Variants in NAV3 observed in about 807,000 individuals in gnomAD.
NAV3 encodes neuron navigator 3.
NAV3 carries 87 observed loss-of-function variants against 244.7 expected under a neutral mutation model. That is an observed-to-expected ratio of 0.36 (90% CI 0.30 to 0.42). The LOEUF (loss-of-function observed/expected upper bound fraction) is 0.42, where lower values mean the gene tolerates loss of function less well. Among genes scored for constraint, NAV3 ranks in the 20% least tolerant of loss-of-function variants. NAV3 has a pLI of 1.00. For synonymous variants in NAV3, 1,126 were observed against 1,042.2 expected (o/e 1.08, Z -1.55); for missense variants, 2,663 against 2,893.3 (o/e 0.92, Z 1.83).
intron 2 of NAV3, among the ~76,000 whole-genome samples, chr12:77,772,916 T>G (rs1476023064): frequency 6.6e-6 from 1 of 152,220 alleles, no homozygotes; most frequent in Non-Finnish European, 1.5e-5. Flanking sequence ...GTTGGCATTA[T>G]GACTTGTCAT....
chr12:78,045,168 C>T (rs1305984057), intron 9 of NAV3, among the ~76,000 whole-genome samples: 1 of 152,180 alleles, frequency 6.6e-6, no homozygotes, highest in Non-Finnish European at 1.5e-5. Context: ...AAGGCCTTTT[C>T]TGCATCTATT....
intron 8 of NAV3, among the ~76,000 whole-genome samples, chr12:78,014,783 C>T (rs1278355431): frequency 6.6e-6 from 1 of 152,024 alleles, no homozygotes; most frequent in Non-Finnish European, 1.5e-5. Context: ...AGCCTTTAAC[C>T]ATCATTCAGG....
At chr12:77,854,199 A>G (rs1202503689) in intron 1 of NAV3, among the ~76,000 whole-genome samples, 1 of 152,204 alleles carries the variant, frequency 6.6e-6, no homozygotes, top group Non-Finnish European at 1.5e-5. Flanking sequence ...AAAAATTAAT[A>G]GAAAGCAATA....
chr12:78,196,330 A>G (rs1959173856), intron 34 of NAV3, among the ~76,000 whole-genome samples: 1 of 151,976 alleles, frequency 6.6e-6, no homozygotes. Context: ...TCCTACTTTT[A>G]TTTCCAGCAG....
intron 12 of NAV3, among the ~76,000 whole-genome samples, chr12:78,104,860 G>A (rs1374544408): frequency 1.3e-5 from 2 of 151,934 alleles, no homozygotes; most frequent in Non-Finnish European, 2.9e-5. Flanking sequence ...TTTGAATCTG[G>A]CATCTTTAAC....
chr12:78,145,425 T>C (rs1310352087), intron 20 of NAV3, among the ~76,000 whole-genome samples: 1 of 152,228 alleles, frequency 6.6e-6, no homozygotes, highest in Admixed American at 6.5e-5. Context: ...TTTGTGTCAA[T>C]TAATCTAGAA....
At chr12:77,657,499 T>C (rs994389152) in intron 2 of NAV3, among the ~76,000 whole-genome samples, 50 of 152,138 alleles carry the variant, frequency 3.3e-4, no homozygotes, top group African/African-American at 1.1e-3. Context: ...CAGGACCAGA[T>C]GGATTCACAG....
chr12:78,006,585 T>A lies in NAV3; in HGVS notation c.1047T>A (p.Thr349=), dbSNP rs2136561121. 5 of 1,614,074 alleles carry A rather than the reference T, an allele frequency of 3.1e-6. No individual in the cohort carries two copies. The highest frequency in any genetic ancestry group is 4.2e-6 in the Non-Finnish European group (5 of 1,179,998). ...VKHSATSTML[T]VKQSSTATSP... is the part of the protein sequence containing the mutation. ...ACAGTGCCACCTCCACCATGTTGAC[T>A]GTAAAGCAGTCAAGTACAGCCACCT... Residue 349 remains threonine (T), a synonymous_variant, in exon 8 of 40, where the codon ACT becomes ACA. Transcript: ENST00000397909.
At chr12:77,961,901 CTTTAATA>C (rs1392600466) in intron 3 of NAV3, among the ~76,000 whole-genome samples, 1 of 151,530 alleles carries the variant, frequency 6.6e-6, no homozygotes, top group Non-Finnish European at 1.5e-5. Context: ...ATGATATATA[CTTTAATA>C]TTTAATTTAG....
At chr12:77,673,568 G>C (rs942012083) in intron 2 of NAV3, among the ~76,000 whole-genome samples, 1 of 151,832 alleles carries the variant, frequency 6.6e-6, no homozygotes, top group Non-Finnish European at 1.5e-5. Flanking sequence ...ATAATTTTTT[G>C]AACACTCCTC....
At chr12:77,828,119 G>T (rs1490126082), upstream of NAV3, among the ~76,000 whole-genome samples, 1 of 152,154 alleles carries the variant, frequency 6.6e-6, no homozygotes. Context: ...GACATTAAAA[G>T]GTGAGTAGGC....
At chr12:77,611,793 A>G (rs961516848) in intron 2 of NAV3, among the ~76,000 whole-genome samples, 1 of 152,056 alleles carries the variant, frequency 6.6e-6, no homozygotes, top group African/African-American at 2.4e-5. Context: ...TATTAAGTAT[A>G]ATTTTTTTTA....
chr12:77,701,215 T>A (rs188792866), intron 2 of NAV3, among the ~76,000 whole-genome samples: 16 of 152,066 alleles, frequency 1.1e-4, no homozygotes, highest in Non-Finnish European at 1.9e-4. Context: ...GAGTACAAAT[T>A]TATTTTCTTT....
At chr12:77,646,751 T>A (rs992201673) in intron 2 of NAV3, among the ~76,000 whole-genome samples, 1 of 152,080 alleles carries the variant, frequency 6.6e-6, no homozygotes, top group Non-Finnish European at 1.5e-5. Context: ...CCTGCTCAAC[T>A]GTAGTAATCA....
intron 21 of NAV3, among the ~76,000 whole-genome samples, chr12:78,148,053 C>T (rs982168654): frequency 2.0e-5 from 3 of 151,948 alleles, no homozygotes; most frequent in Non-Finnish European, 4.4e-5. Flanking sequence ...ATATCCTTAC[C>T]CTTTTCTGTT....
chr12:78,150,629 C>CCACA (rs765969323), intron 22 of NAV3, among the ~76,000 whole-genome samples: 7,629 of 122,538 alleles, frequency 0.062, 248 homozygotes, highest in Non-Finnish European at 0.078. Context: ...GCAAAAGCTT[C>CCACA]CTCACACACA....
intron 1 of NAV3, among the ~76,000 whole-genome samples, chr12:77,890,824 C>T (rs531236632): frequency 6.6e-6 from 1 of 152,180 alleles, no homozygotes; most frequent in Non-Finnish European, 1.5e-5. Context: ...GTAAACTCTG[C>T]AGGAAAGCTG....
intron 5 of NAV3, among the ~76,000 whole-genome samples, chr12:77,988,955 A>G (rs1565992365): frequency 6.6e-6 from 1 of 152,198 alleles, no homozygotes; most frequent in Non-Finnish European, 1.5e-5. Flanking sequence ...AATGTTAAGA[A>G]AAATAAAGGA....
At chr12:77,794,981 C>T (rs918119619) in intron 2 of NAV3, among the ~76,000 whole-genome samples, 1 of 152,132 alleles carries the variant, frequency 6.6e-6, no homozygotes, top group African/African-American at 2.4e-5. Context: ...TAATAACTTT[C>T]CAGTGGCCTC....
Sources: gnomAD v4.1 joint callset for allele counts (sites outside exome capture counted in the v4.1 genomes callset) on GRCh38, gnomAD v4.1.1 for gene constraint, MANE v1.5 for transcripts, NCBI Gene and HGNC (gene_info 2026-07-23, HGNC 2026-07-21) for gene names.